ANKRD27: variants seen among roughly 807,000 people sequenced by gnomAD.
ANKRD27 encodes ankyrin repeat domain 27, also known as ankyrin repeat domain-containing protein 27.
ANKRD27 carries 112 observed loss-of-function variants against 129.7 expected under a neutral mutation model. That is an observed-to-expected ratio of 0.86 (90% CI 0.74 to 1.01). ANKRD27 has a LOEUF of 1.01. ANKRD27 is among the 50% of genes least tolerant of loss of function. The pLI, the probability that ANKRD27 is intolerant of heterozygous loss-of-function variation, is 0.00. For synonymous variants in ANKRD27, 516 were observed against 511.2 expected (o/e 1.01, Z -0.13); for missense variants, 1,258 against 1,300.5 (o/e 0.97, Z 0.50).
rs1421136112 is a variant in ANKRD27, at chr19:32,607,654, CAGGCCAGGT to C, written c.2345_2353del (p.His782_Cys785delinsArg). 1.2e-6 allele frequency: 2 copies of C among 1,611,360 alleles called. No homozygotes were observed. Among genetic ancestry groups the C allele is most frequent in the East Asian group, 4.5e-5 (2 of 44,874 alleles). Reference sequence around the variant, plus strand: ...CCGAACCTGAAAGTGGCCCTGCTGGCAGGCCAGGTGGAGCGGGACGGCTTGGTCTGCGTT... The same window carrying C: ...CCGAACCTGAAAGTGGCCCTGCTGGCGGAGCGGGACGGCTTGGTCTGCGTT... On this transcript the variant is annotated inframe_deletion, in exon 23 of 29. Transcript: ENST00000306065.
intron 2 of ANKRD27, among the ~76,000 whole-genome samples, chr19:32,653,842 C>T (rs1409449308): frequency 2.0e-5 from 3 of 152,152 alleles, no homozygotes; most frequent in African/African-American, 4.8e-5. Flanking sequence ...GGCCCAGCAG[C>T]GTGCACGCAG....
At chr19:32,622,903 G>A (rs1972035481) in intron 17 of ANKRD27, among the ~76,000 whole-genome samples, 1 of 150,182 alleles carries the variant, frequency 6.7e-6, no homozygotes, top group Non-Finnish European at 1.5e-5. Context: ...TCAGCCTCCC[G>A]AGCAGCTGGG....
At chr19:32,620,011 G>A (rs924957445) in intron 18 of ANKRD27, among the ~76,000 whole-genome samples, 1 of 151,986 alleles carries the variant, frequency 6.6e-6, no homozygotes, top group African/African-American at 2.4e-5. Context: ...TCTCCCTCTG[G>A]AAGGGCCTTT....
intron 2 of ANKRD27, among the ~76,000 whole-genome samples, chr19:32,651,117 GC>G (rs1324524985): frequency 2.6e-5 from 4 of 152,090 alleles, no homozygotes; most frequent in African/African-American, 9.7e-5. Flanking sequence ...ATAAAGGGAG[GC>G]CCTTAGATGT....
At chr19:32,611,841 A>T (rs1971840170) in intron 22 of ANKRD27, among the ~76,000 whole-genome samples, 1 of 152,202 alleles carries the variant, frequency 6.6e-6, no homozygotes, top group Non-Finnish European at 1.5e-5. Flanking sequence ...TCGGCCTCCC[A>T]AAGTGCTGGG....
chr19:32,610,212 A>G (rs1240848651), intron 22 of ANKRD27, among the ~76,000 whole-genome samples: 2 of 152,148 alleles, frequency 1.3e-5, no homozygotes, highest in Admixed American at 1.3e-4. Context: ...CAGGAAGCTG[A>G]GGTAGGAGAA....
Position 32,660,939 on chromosome 19 carries a change from T to C in ANKRD27, c.-30-1894A>G, listed in dbSNP as rs1292679005. Among the ~76,000 whole-genome samples, 9 of 149,136 alleles carry C rather than the reference T, an allele frequency of 6.0e-5. No homozygotes were observed. In the South Asian group the frequency reaches 6.2e-4, roughly 10 times the overall value. ...TTTAAATATCATCTCCCAGGCTGGC[T>C]GTAATCACAGCACCTGGGGAGGATG... On this transcript the variant is annotated intron_variant, in intron 1 of 28. Coordinates refer to ENST00000306065, the MANE Select transcript of ANKRD27 (RefSeq NM_032139.3).
chr19:32,600,667 T>C (rs1337061720), intron 26 of ANKRD27, among the ~76,000 whole-genome samples: 1 of 152,172 alleles, frequency 6.6e-6, no homozygotes, highest in Non-Finnish European at 1.5e-5. Flanking sequence ...AAAACACTGC[T>C]GGTCCCAAGC....
intron 4 of ANKRD27, 126 bp from the exon 5 acceptor site, chr19:32,644,605 G>C (rs1967267285): frequency 9.1e-7 from 1 of 1,098,946 alleles, no homozygotes; most frequent in South Asian, 1.6e-5. Context: ...CACTACACAA[G>C]AACAGCCCAG....
chr19:32,627,475 T>G (rs1966910027), intron 15 of ANKRD27, among the ~76,000 whole-genome samples: 1 of 150,958 alleles, frequency 6.6e-6, no homozygotes, highest in South Asian at 2.1e-4. Flanking sequence ...CTCAGCTCAC[T>G]ACAACCTCCA....
chr19:32,631,263 C>T, intron 13 of ANKRD27, 139 bp downstream of exon 13: 2 of 738,258 alleles, frequency 2.7e-6, no homozygotes. Flanking sequence ...CAGGTTATCA[C>T]CCACCTCGGC....
In ANKRD27 at chr19:32,633,548, T is replaced by C. The variant is rs557439381; in HGVS notation, c.1117-2054A>G. On this transcript the variant is annotated intron_variant, in intron 12 of 28. Transcript: ENST00000306065. Reference sequence around the variant, plus strand: ...TACATTGCCCAGGCTGGTCTCGAACTCCTGGCCTCAGGTGATCCTCCTGCC... The same window carrying C: ...TACATTGCCCAGGCTGGTCTCGAACCCCTGGCCTCAGGTGATCCTCCTGCC... Among the ~76,000 whole-genome samples, 76 of 151,540 alleles carry C rather than the reference T, an allele frequency of 5.0e-4. 4 individuals are homozygous for C. The South Asian group carries it at 0.016, about 31-fold the overall frequency.
intron 12 of ANKRD27, 82 bp downstream of exon 12, chr19:32,639,274 C>T: frequency 1.9e-6 from 3 of 1,544,226 alleles, no homozygotes; most frequent in Non-Finnish European, 2.7e-6. Flanking sequence ...AAGAATCCGT[C>T]TGCCCACATA....
intron 2 of ANKRD27, among the ~76,000 whole-genome samples, chr19:32,651,286 C>T (rs540994517): frequency 6.6e-6 from 1 of 152,100 alleles, no homozygotes; most frequent in Non-Finnish European, 1.5e-5. Context: ...GATGGCCCCC[C>T]CTCCAGCTGC....
At chr19:32,604,840 C>T (rs144669331) in intron 24 of ANKRD27, among the ~76,000 whole-genome samples, 2,618 of 152,070 alleles carry the variant, frequency 0.017, 75 homozygotes, top group African/African-American at 0.06. Flanking sequence ...GGTGGATCAC[C>T]TGAGGTCAGG....
In ANKRD27 at chr19:32,598,228, C is replaced by A. The variant is rs748771025; in HGVS notation, c.3070G>T (p.Val1024Leu). ...GHRRMLRRHT[V>L]EDAVVSQGPE... ...CCCTGGGACACGACCGCATCCTCTACCGTGTGTCTCCGCAGCATCCGTCTG... is the reference window on the plus strand; with the variant it reads ...CCCTGGGACACGACCGCATCCTCTAACGTGTGTCTCCGCAGCATCCGTCTG... Residue 1024 changes from valine (V) to leucine (L), a missense_variant, in exon 29 of 29, where the codon GTA (valine) becomes TTA (leucine). Physicochemically the swap from Val to Leu is conservative, Grantham distance 32 (BLOSUM62 1). Transcript: ENST00000306065. 1.2e-6 allele frequency: 2 copies of A among 1,614,178 alleles called. No homozygotes were observed. Among genetic ancestry groups the A allele is most frequent in the Admixed American group, 1.7e-5 (1 of 60,014 alleles).
intron 22 of ANKRD27, among the ~76,000 whole-genome samples, chr19:32,608,183 T>A (rs2868152): frequency 2.3e-5 from 2 of 85,602 alleles, no homozygotes; most frequent in African/African-American, 3.7e-5. Flanking sequence ...TTTTTTTTTT[T>A]TTTTTTTTGT....
rs1345404013 is a variant in ANKRD27, at chr19:32,656,087, G to GGA, written c.102+2826_102+2827insTC. ...AGAAAGAAAGAAAGAAAGAAAGAAA[G>GGA]AAAGAAAGAAAGAAAGAAAGAAAAG... On this transcript the variant is annotated intron_variant, in intron 2 of 28. Coordinates refer to ENST00000306065, the MANE Select transcript of ANKRD27 (RefSeq NM_032139.3). Among the ~76,000 whole-genome samples the GGA allele has an allele frequency of 0.014, 1,759 of 121,690 alleles. 107 individuals carry two copies. The East Asian group carries it at 0.22, about 15-fold the overall frequency. The allele number at this position is 121,690 out of a possible 152,430, so 79.8% of individuals were successfully genotyped here.
At chr19:32,629,901 T>G (rs1335804280) in intron 13 of ANKRD27, among the ~76,000 whole-genome samples, 1 of 149,030 alleles carries the variant, frequency 6.7e-6, no homozygotes, top group Non-Finnish European at 1.5e-5. Flanking sequence ...AATAACAGAA[T>G]TTATTTATTT....
Sources: gnomAD v4.1 joint callset for allele counts (sites outside exome capture counted in the v4.1 genomes callset) on GRCh38, gnomAD v4.1.1 for gene constraint, MANE v1.5 for transcripts, NCBI Gene and HGNC (gene_info 2026-07-23, HGNC 2026-07-21) for gene names.